Variants in PPFIA2 observed in about 807,000 individuals in gnomAD.
PPFIA2 encodes liprin-alpha-2.
Under a neutral mutation model 175.5 loss-of-function variants are expected in PPFIA2, and 46 were observed. That is an observed-to-expected ratio of 0.26 (90% CI 0.21 to 0.34). The LOEUF is 0.34. PPFIA2 is among the 10% of genes least tolerant of loss of function. The pLI is 1.00. For synonymous variants in PPFIA2, 568 were observed against 511.4 expected (o/e 1.11, Z -1.49); for missense variants, 1,179 against 1,506.1 (o/e 0.78, Z 3.60).
At chr12:81,726,522 G>T (rs1232993513) in intron 3 of PPFIA2, among the ~76,000 whole-genome samples, 1 of 151,216 alleles carries the variant, frequency 6.6e-6, no homozygotes, top group Non-Finnish European at 1.5e-5. Context: ...TGCAGAAAGA[G>T]GGTAATATGC....
At chr12:81,297,729 C>A (rs2046840681) in intron 23 of PPFIA2, among the ~76,000 whole-genome samples, 1 of 152,318 alleles carries the variant, frequency 6.6e-6, no homozygotes, top group East Asian at 1.9e-4. Flanking sequence ...CAAATGCCTG[C>A]CAATACATTG....
intron 24 of PPFIA2, among the ~76,000 whole-genome samples, chr12:81,291,618 G>A (rs2045027306): frequency 6.6e-6 from 1 of 151,932 alleles, no homozygotes; most frequent in Non-Finnish European, 1.5e-5. Context: ...GAAACCTGAT[G>A]CTATCTTTAT....
rs2034415431 is a variant in PPFIA2 at position 81,258,385 on chromosome 12, A to C, written c.*1309T>G. On this transcript the variant is annotated 3_prime_UTR_variant, in exon 33 of 33. Transcript: ENST00000549396. ...ATGTAATGTACGTGCAAACATAGCA[A>C]ATTAAAATACAGAAAAGAAATTACT... The C allele has an allele frequency of 6.6e-6, 1 of 152,180 alleles. No individual in the cohort carries two copies. Among genetic ancestry groups the C allele is most frequent in the African/African-American group, 2.4e-5 (1 of 41,462 alleles). 9.4% of individuals were successfully genotyped at this position (152,180 alleles called of 1,614,324 possible).
chr12:81,295,193 G>A (rs1314419214), intron 23 of PPFIA2, among the ~76,000 whole-genome samples, 158 bp from the exon 24 acceptor site: 1 of 152,066 alleles, frequency 6.6e-6, no homozygotes, highest in Non-Finnish European at 1.5e-5. Context: ...GATGCACAAA[G>A]AAATTAAATG....
At chr12:81,399,006 T>C (rs1193349123) in intron 8 of PPFIA2, among the ~76,000 whole-genome samples, 2 of 151,960 alleles carry the variant, frequency 1.3e-5, no homozygotes, top group African/African-American at 4.8e-5. Flanking sequence ...GGAGCTTGTG[T>C]TTCATGAGAA....
chr12:81,574,242 T>C (rs2073095417), intron 4 of PPFIA2, among the ~76,000 whole-genome samples: 1 of 151,890 alleles, frequency 6.6e-6, no homozygotes, highest in Non-Finnish European at 1.5e-5. Flanking sequence ...TGCTTGCTAA[T>C]ATATTTTTCT....
At chr12:81,428,988 G>A (rs1381091578) in intron 7 of PPFIA2, among the ~76,000 whole-genome samples, 1 of 151,930 alleles carries the variant, frequency 6.6e-6, no homozygotes, top group Non-Finnish European at 1.5e-5. Context: ...ATGGCGACTT[G>A]TTTCAATTGT....
intron 6 of PPFIA2, among the ~76,000 whole-genome samples, chr12:81,442,901 T>TAAATATA (rs2050490030): frequency 3.7e-5 from 2 of 54,688 alleles, no homozygotes; most frequent in African/African-American, 1.3e-4. Flanking sequence ...ATATATATAG[T>TAAATATA]ATTACTTGTT....
intron 4 of PPFIA2, among the ~76,000 whole-genome samples, chr12:81,462,570 G>GTGTATATATA (rs2054778954): frequency 1.3e-5 from 1 of 74,178 alleles, no homozygotes; most frequent in African/African-American, 5.5e-5. Context: ...ATATATATGT[G>GTGTATATATA]TATATATATA....
intron 22 of PPFIA2, chr12:81,312,548 C>T (rs1594618521): frequency 4.8e-6 from 1 of 208,366 alleles, no homozygotes; most frequent in African/African-American, 2.3e-5. Context: ...GAAACAATAA[C>T]TTATTAATTG....
At chr12:81,408,803 T>C (rs2142995476) in intron 7 of PPFIA2, among the ~76,000 whole-genome samples, 1 of 152,330 alleles carries the variant, frequency 6.6e-6, no homozygotes, top group South Asian at 2.1e-4. Context: ...TGTTGGCTCT[T>C]GATACAGAAG....
At chr12:81,538,753 A>T (rs988785958) in intron 4 of PPFIA2, among the ~76,000 whole-genome samples, 4 of 151,860 alleles carry the variant, frequency 2.6e-5, no homozygotes, top group Admixed American at 2.6e-4. Context: ...TGAACTAGGG[A>T]AAACATAGTA....
At chr12:81,682,543 C>T (rs2073823892) in intron 3 of PPFIA2, among the ~76,000 whole-genome samples, 1 of 151,902 alleles carries the variant, frequency 6.6e-6, no homozygotes, top group Non-Finnish European at 1.5e-5. Flanking sequence ...TAAAAAAAGT[C>T]AGTATCAGTG....
intron 3 of PPFIA2, among the ~76,000 whole-genome samples, chr12:81,696,064 T>G (rs1354957260): frequency 6.6e-6 from 1 of 152,288 alleles, no homozygotes; most frequent in South Asian, 2.1e-4. Flanking sequence ...GATGCCTGGA[T>G]TTGAATATTG....
intron 4 of PPFIA2, among the ~76,000 whole-genome samples, chr12:81,469,928 G>A (rs772142752): frequency 2.6e-5 from 4 of 152,182 alleles, no homozygotes; most frequent in Admixed American, 1.3e-4. Context: ...AGGGCACAGC[G>A]AGAAGGCAGC....
chr12:81,312,084 G>T, intron 22 of PPFIA2: 1 of 1,418,890 alleles, frequency 7.0e-7, no homozygotes, highest in Admixed American at 2.1e-5. Flanking sequence ...ACTCAAAAGA[G>T]TAATACTCTG....
At chr12:81,339,138 A>G in intron 21 of PPFIA2, 42 bp downstream of exon 21, 1 of 1,469,478 alleles carries the variant, frequency 6.8e-7, no homozygotes. Flanking sequence ...TGACATGACT[A>G]AAATGAGTGG....
intron 3 of PPFIA2, among the ~76,000 whole-genome samples, chr12:81,677,184 G>A (rs1443999698): frequency 6.6e-6 from 1 of 151,410 alleles, no homozygotes; most frequent in East Asian, 1.9e-4. Flanking sequence ...TTAAACCCAT[G>A]GAAAATGTTT....
At chr12:81,302,215 A>G (rs764455344) in intron 22 of PPFIA2, 1 of 405,914 alleles carries the variant, frequency 2.5e-6, no homozygotes. Context: ...TTTGTATTTT[A>G]AAGAACAAAT....
Sources: allele counts gnomAD v4.1 joint callset (sites outside exome capture counted in the v4.1 genomes callset), GRCh38; gene constraint gnomAD v4.1.1; transcripts MANE v1.5; gene names NCBI Gene and HGNC (gene_info 2026-07-23, HGNC 2026-07-21).